Variants in LGSN observed in about 807,000 individuals in gnomAD.
LGSN encodes lengsin.
Under a neutral mutation model 19.5 loss-of-function variants are expected in LGSN, and 21 were observed. The ratio of observed to expected loss-of-function variants is 1.07; its 90% CI spans 0.76 to 1.55. The LOEUF is 1.55. Ranked by LOEUF, LGSN falls within the 40% of genes most tolerant of loss-of-function variation. The pLI, the probability that LGSN is intolerant of heterozygous loss-of-function variation, is 0.00. For missense variants in LGSN, 673 were observed against 608.5 expected (o/e 1.11, Z -1.12); for synonymous variants, 257 against 215.6 (o/e 1.19, Z -1.68).
chr6:63,412,483 G>GAAGAAAGAAAGAAAGAAAGAAACA, the LGSN span, among the ~76,000 whole-genome samples: 14 of 52,870 alleles, frequency 2.6e-4, no homozygotes, highest in African/African-American at 1.1e-3. Context: ...AGAAGAAAGA[G>GAAGAAAGAAAGAAAGAAAGAAACA]AAGAAAGAAA....
chr6:63,418,151 A>G, the LGSN span, among the ~76,000 whole-genome samples: 1 of 152,202 alleles, frequency 6.6e-6, no homozygotes, highest in African/African-American at 2.4e-5. Flanking sequence ...TATTTTATTA[A>G]TTTGATTGTT....
At chr6:63,384,638 C>T in the LGSN span, among the ~76,000 whole-genome samples, 4 of 152,038 alleles carry the variant, frequency 2.6e-5, no homozygotes, top group African/African-American at 9.7e-5. Context: ...CTGCCTCAGC[C>T]TCCCAAGTAG....
chr6:63,527,440 T>C, the LGSN span, among the ~76,000 whole-genome samples: 1 of 152,084 alleles, frequency 6.6e-6, no homozygotes, highest in Non-Finnish European at 1.5e-5. Flanking sequence ...ATTTGATGGG[T>C]CTTTCCTTTC....
chr6:63,306,454 C>G (rs1768390697), intron 1 of LGSN, among the ~76,000 whole-genome samples: 1 of 152,146 alleles, frequency 6.6e-6, no homozygotes, highest in South Asian at 2.1e-4. Flanking sequence ...TGTATAAAAG[C>G]AAAACCCATC....
chr6:63,299,912 G>C (rs868607078), intron 1 of LGSN, among the ~76,000 whole-genome samples: 1 of 152,124 alleles, frequency 6.6e-6, no homozygotes, highest in African/African-American at 2.4e-5. Flanking sequence ...TGCTGCTTCT[G>C]TCAAATTTTG....
chr6:63,405,544 C>A, the LGSN span, among the ~76,000 whole-genome samples: 16,269 of 152,168 alleles, frequency 0.11, 1,795 homozygotes, highest in African/African-American at 0.29. Context: ...ATTTGCATTT[C>A]TCTGATGGCC....
the LGSN span, among the ~76,000 whole-genome samples, chr6:63,419,138 T>C: frequency 6.6e-6 from 1 of 152,110 alleles, no homozygotes; most frequent in Non-Finnish European, 1.5e-5. Flanking sequence ...AATCCAGGGA[T>C]CTTATCACTG....
the LGSN span, among the ~76,000 whole-genome samples, chr6:63,454,848 G>A: frequency 2.4e-4 from 31 of 129,836 alleles, no homozygotes; most frequent in African/African-American, 9.3e-4. Context: ...AGGCTGGAGT[G>A]TAATGGCAAT....
chr6:63,490,029 A>G, the LGSN span, among the ~76,000 whole-genome samples: 1 of 152,242 alleles, frequency 6.6e-6, no homozygotes, highest in Non-Finnish European at 1.5e-5. Flanking sequence ...TTTTTAAAAT[A>G]TAGAAATAAT....
chr6:63,456,348 TATAC>T, the LGSN span, among the ~76,000 whole-genome samples: 1,977 of 8,722 alleles, frequency 0.23, 273 homozygotes, highest in Non-Finnish European at 0.25. Context: ...TTGGCAGAAA[TATAC>T]ATATATATAT....
At chr6:63,384,953 G>C in the LGSN span, among the ~76,000 whole-genome samples, 2 of 152,338 alleles carry the variant, frequency 1.3e-5, no homozygotes, top group African/African-American at 4.8e-5. Context: ...ACAGAGGAAA[G>C]ACTATGTGGG....
intron 1 of LGSN, among the ~76,000 whole-genome samples, chr6:63,304,413 C>G (rs778038255): frequency 1.3e-5 from 2 of 152,162 alleles, no homozygotes; most frequent in Non-Finnish European, 2.9e-5. Flanking sequence ...TTTAAATTCT[C>G]TTGCTAAAGT....
At chr6:63,408,885 A>T in the LGSN span, among the ~76,000 whole-genome samples, 1 of 152,240 alleles carries the variant, frequency 6.6e-6, no homozygotes, top group African/African-American at 2.4e-5. Flanking sequence ...TACTAGCAGT[A>T]AATAATCAGG....
At chr6:63,491,553 T>C in the LGSN span, among the ~76,000 whole-genome samples, 1 of 152,180 alleles carries the variant, frequency 6.6e-6, no homozygotes, top group Non-Finnish European at 1.5e-5. Flanking sequence ...CCAGTTATAA[T>C]GAAATATGAA....
chr6:63,357,852 T>C, the LGSN span, among the ~76,000 whole-genome samples: 20,148 of 150,508 alleles, frequency 0.13, 2,925 homozygotes, highest in African/African-American at 0.37. Context: ...TCCCATTTGT[T>C]AATTTTGGCT....
the LGSN span, among the ~76,000 whole-genome samples, chr6:63,494,745 G>A: frequency 8.3e-4 from 126 of 152,266 alleles, 1 homozygote; most frequent in African/African-American, 2.9e-3. Flanking sequence ...AAGAAATGGT[G>A]TGCCATAGGC....
chr6:63,402,417 G>A, the LGSN span, among the ~76,000 whole-genome samples: 17 of 152,082 alleles, frequency 1.1e-4, no homozygotes, highest in African/African-American at 4.1e-4. Flanking sequence ...GATAGATAAG[G>A]AAGAGCCCTA....
chr6:63,441,212 AAAAT>A, the LGSN span: 5 of 282,898 alleles, frequency 1.8e-5, no homozygotes, highest in African/African-American at 6.8e-5. Flanking sequence ...CCATCTCAAA[AAAAT>A]AAATAATGAC....
the LGSN span, among the ~76,000 whole-genome samples, chr6:63,354,244 G>T: frequency 2.0e-5 from 3 of 152,060 alleles, no homozygotes; most frequent in Non-Finnish European, 4.4e-5. Context: ...CAAACTGCTT[G>T]TCTGACAAGG....
Sources: allele counts gnomAD v4.1 joint callset (sites outside exome capture counted in the v4.1 genomes callset), GRCh38; gene constraint gnomAD v4.1.1; transcripts MANE v1.5; gene names NCBI Gene and HGNC (gene_info 2026-07-23, HGNC 2026-07-21).